The following PIP5K1B variants were observed in gnomAD, a reference collection of about 807,000 sequenced individuals.
PIP5K1B encodes the protein phosphatidylinositol 4-phosphate 5-kinase type-1 beta.
A neutral mutation model predicts 67.0 loss-of-function variants in PIP5K1B; 42 were observed. The ratio of observed to expected loss-of-function variants is 0.63; its 90% CI spans 0.49 to 0.81. The LOEUF (loss-of-function observed/expected upper bound fraction) is 0.81. PIP5K1B is among the 30% of genes least tolerant of loss of function. PIP5K1B has a pLI of 0.00. For synonymous variants in PIP5K1B, 214 were observed against 231.4 expected, an observed-to-expected ratio of 0.92 and a Z score of 0.68; for missense variants, 459 against 646.3, an observed-to-expected ratio of 0.71 and a Z score of 3.14.
At chr9:68,782,005 A>G (rs1008182187) in intron 2 of PIP5K1B, 1 of 167,086 alleles carries the variant, frequency 6.0e-6, no homozygotes, top group African/African-American at 2.4e-5. Context: ...ATTATTGCCA[A>G]ACAGGAGCCA....
chr9:68,712,642 G>C (rs1373615299), intron 1 of PIP5K1B, among the ~76,000 whole-genome samples: 1 of 152,196 alleles, frequency 6.6e-6, no homozygotes, highest in Non-Finnish European at 1.5e-5. Context: ...AGCTGAATCA[G>C]ACTGAGAGGA....
At chr9:68,850,050 C>T (rs892792391) in intron 4 of PIP5K1B, among the ~76,000 whole-genome samples, 4 of 152,282 alleles carry the variant, frequency 2.6e-5, no homozygotes, top group Non-Finnish European at 5.9e-5. Flanking sequence ...ATTTCTCACA[C>T]GCATGAAGTG....
chr9:68,804,752 C>T (rs897345221), intron 2 of PIP5K1B, among the ~76,000 whole-genome samples: 2 of 152,094 alleles, frequency 1.3e-5, no homozygotes, highest in Non-Finnish European at 2.9e-5. Context: ...CCACTTCACC[C>T]AGCTAGAGGC....
At chr9:68,719,842 G>T (rs923676450) in intron 1 of PIP5K1B, among the ~76,000 whole-genome samples, 1 of 152,138 alleles carries the variant, frequency 6.6e-6, no homozygotes, top group Non-Finnish European at 1.5e-5. Context: ...ATTTCATTTT[G>T]TGTAAACTTT....
chr9:69,002,615 C>A (rs1294808633), intron 15 of PIP5K1B, among the ~76,000 whole-genome samples: 1 of 151,898 alleles, frequency 6.6e-6, no homozygotes. Context: ...AAATATAGAG[C>A]TTTATTTAAA....
At chr9:68,839,254 T>A (rs934382144) in intron 4 of PIP5K1B, among the ~76,000 whole-genome samples, 1 of 152,134 alleles carries the variant, frequency 6.6e-6, no homozygotes, top group African/African-American at 2.4e-5. Flanking sequence ...TTTGCAAAAT[T>A]TGGGGTGTGG....
chr9:68,843,927 C>CT (rs1221432265), intron 4 of PIP5K1B, among the ~76,000 whole-genome samples: 3 of 152,112 alleles, frequency 2.0e-5, no homozygotes, highest in Non-Finnish European at 4.4e-5. Flanking sequence ...AGAGGGGAAG[C>CT]TGGATGTGTG....
intron 2 of PIP5K1B, among the ~76,000 whole-genome samples, chr9:68,796,463 T>C (rs1325091526): frequency 6.6e-6 from 1 of 152,244 alleles, no homozygotes; most frequent in African/African-American, 2.4e-5. Context: ...TTGTTATTTA[T>C]TTGATGGTCA....
At chr9:68,892,616 G>T (rs1237500065) in intron 7 of PIP5K1B, among the ~76,000 whole-genome samples, 1 of 152,114 alleles carries the variant, frequency 6.6e-6, no homozygotes, top group African/African-American at 2.4e-5. Context: ...ATTCCATATG[G>T]AGTAAAGACC....
chr9:68,988,398 C>G (rs1215821366), intron 14 of PIP5K1B, among the ~76,000 whole-genome samples: 1 of 146,240 alleles, frequency 6.8e-6, no homozygotes, highest in Non-Finnish European at 1.5e-5. Flanking sequence ...AAATAAAAAT[C>G]ATAAATAAAA....
intron 4 of PIP5K1B, among the ~76,000 whole-genome samples, chr9:68,826,724 G>A (rs918529930): frequency 2.0e-5 from 3 of 152,160 alleles, no homozygotes; most frequent in Admixed American, 6.5e-5. Flanking sequence ...TCGGTGTTGA[G>A]TAAGTGCCAA....
At chr9:68,864,960 T>G (rs899093986) in intron 5 of PIP5K1B, among the ~76,000 whole-genome samples, 1 of 152,202 alleles carries the variant, frequency 6.6e-6, no homozygotes, top group Admixed American at 6.5e-5. Context: ...AATAATTGTC[T>G]TTACACATTT....
At chr9:68,738,225 A>G (rs1828835469) in intron 1 of PIP5K1B, among the ~76,000 whole-genome samples, 1 of 152,212 alleles carries the variant, frequency 6.6e-6, no homozygotes, top group African/African-American at 2.4e-5. Flanking sequence ...ATAGGCCAAC[A>G]CCAACTAGGT....
intron 5 of PIP5K1B, among the ~76,000 whole-genome samples, chr9:68,871,015 T>C (rs1248419663): frequency 2.0e-5 from 3 of 152,216 alleles, no homozygotes; most frequent in African/African-American, 4.8e-5. Flanking sequence ...TTTTACCCCA[T>C]TGCTTACCAC....
intron 7 of PIP5K1B, among the ~76,000 whole-genome samples, chr9:68,893,568 G>A (rs1450121576): frequency 6.6e-5 from 10 of 152,036 alleles, no homozygotes; most frequent in South Asian, 4.2e-4. Flanking sequence ...TCCTGACCTC[G>A]TGATCCACCC....
chr9:68,965,212 T>C (rs1235854794), intron 14 of PIP5K1B, among the ~76,000 whole-genome samples: 3 of 9,830 alleles, frequency 3.1e-4, no homozygotes, highest in African/African-American at 3.4e-4. Flanking sequence ...GATAAGAAAA[T>C]ATATATGACT....
chr9:68,744,643 G>C (rs1385238948), intron 2 of PIP5K1B, among the ~76,000 whole-genome samples: 1 of 152,162 alleles, frequency 6.6e-6, no homozygotes, highest in Non-Finnish European at 1.5e-5. Flanking sequence ...GGCTGGGTGG[G>C]GAACAGGAAG....
rs960587401 is a variant in PIP5K1B at position 68,940,593 on chromosome 9, A to C, written c.1358-53A>C. Reference sequence around the variant, plus strand: ...CTCATTTCAATTATTATAGATACTAAAGCTGCATTTATCCTTGAGATTCAT... The same window carrying C: ...CTCATTTCAATTATTATAGATACTACAGCTGCATTTATCCTTGAGATTCAT... On this transcript the variant is annotated intron_variant, in intron 13 of 15. Coordinates refer to ENST00000265382, the MANE Select transcript of PIP5K1B (RefSeq NM_003558.4). 3.2e-6 allele frequency: 5 copies of C among 1,557,236 alleles called. No homozygotes were observed. In the African/African-American group the frequency reaches 5.4e-5, roughly 17 times the overall value.
intron 11 of PIP5K1B, among the ~76,000 whole-genome samples, chr9:68,921,606 G>A (rs111757976): frequency 2.0e-5 from 3 of 151,928 alleles, no homozygotes; most frequent in Admixed American, 6.6e-5. Context: ...CCAACACTTT[G>A]GGGGGAGACC....
Sources: allele counts gnomAD v4.1 joint callset (sites outside exome capture counted in the v4.1 genomes callset), GRCh38; gene constraint gnomAD v4.1.1; transcripts MANE v1.5; gene names NCBI Gene and HGNC (gene_info 2026-07-23, HGNC 2026-07-21).